TTBK2: variants seen among roughly 807,000 people sequenced by gnomAD.
TTBK2 encodes the protein tau-tubulin kinase 2.
In TTBK2, 28 loss-of-function variants were observed where a neutral mutation model predicts 110.8. That is an observed-to-expected ratio of 0.25 (90% CI 0.19 to 0.35). The LOEUF (loss-of-function observed/expected upper bound fraction) is 0.35. TTBK2 is among the 10% of genes least tolerant of loss of function. TTBK2 has a pLI of 1.00. For missense variants in TTBK2, 1,369 were observed against 1,500.3 expected, an observed-to-expected ratio of 0.91 and a Z score of 1.45; for synonymous variants, 532 against 527.3, an observed-to-expected ratio of 1.01 and a Z score of -0.12.
At position 42,894,313 on chromosome 15, in the gene TTBK2, T is replaced by G. The variant is rs1484823690; in HGVS notation, c.-67-15629A>C. Among the ~76,000 whole-genome samples, 3 of 152,312 alleles carry G rather than the reference T, an allele frequency of 2.0e-5. No homozygotes were observed. In the East Asian group the frequency reaches 5.8e-4, roughly 29 times the overall value. On this transcript the variant is annotated intron_variant, in intron 1 of 14. Coordinates refer to ENST00000267890, the MANE Select transcript of TTBK2 (RefSeq NM_173500.4). ...TATTAGCAGTGTGAGAATGGACTAATACAGGCCTAGATTTTTTTTCCAATG... is the reference window on the plus strand; with the variant it reads ...TATTAGCAGTGTGAGAATGGACTAAGACAGGCCTAGATTTTTTTTCCAATG...
In TTBK2 at chr15:42,810,682, G is replaced by A. The variant is rs371962528; in HGVS notation, c.754C>T (p.Pro252Ser). The change falls in exon 9 of 15, where the codon CCT becomes TCT. Residue 252 changes from proline (P) to serine (S), a missense_variant. Pro to Ser is a moderately conservative substitution (Grantham distance 74, BLOSUM62 -1). Transcript: ENST00000267890. ...TCTAGAAAGATGCTGAATTCTGGAG[G>A]GAGATGTTTCAACATGAGCCTGTGG... ...YDHRLMLKHL[P>S]PEFSIFLDHI... is the part of the protein sequence containing the mutation. 18 of 1,613,720 alleles carry A rather than the reference G, an allele frequency of 1.1e-5. No individual in the cohort carries two copies. Among genetic ancestry groups the A allele is most frequent in the African/African-American group, 4.0e-5 (3 of 74,864 alleles).
At chr15:42,780,214 G>C (rs62020673) in intron 11 of TTBK2, among the ~76,000 whole-genome samples, 5 of 122,836 alleles carry the variant, frequency 4.1e-5, no homozygotes, top group African/African-American at 1.7e-4. Context: ...TTTTTTTTTG[G>C]TAGAGATAGG....
intron 3 of TTBK2, among the ~76,000 whole-genome samples, chr15:42,859,985 A>AC (rs1894090921): frequency 6.6e-6 from 1 of 150,390 alleles, no homozygotes; most frequent in South Asian, 2.1e-4. Context: ...AGCTGAGGAG[A>AC]AAAAAAAAAG....
At chr15:42,898,143 G>C (rs1888583425) in intron 1 of TTBK2, among the ~76,000 whole-genome samples, 1 of 152,092 alleles carries the variant, frequency 6.6e-6, no homozygotes, top group South Asian at 2.1e-4. Flanking sequence ...CAAGTAAATG[G>C]GTAAGGGGAT....
rs1890860970 is a variant in TTBK2, at chr15:42,794,782, T to C, written c.842A>G (p.Asp281Gly). Reference sequence around the variant, plus strand: ...TACTCCAAAAGTCTTGATGCTATTGTCAAACACGGATGTAAGAAGCTAAAC... The same window carrying C: ...TACTCCAAAAGTCTTGATGCTATTGCCAAACACGGATGTAAGAAGCTAAAC... ...PDYQLLTSVF[D>G]NSIKTFGVIE... The change falls in exon 10 of 15, where the codon GAC becomes GGC. Residue 281 changes from aspartate (D) to glycine (G), a missense_variant. This residue lies in a region of TTBK2 where 138 missense variants were observed against 179.0 expected (regional missense o/e 0.77). Transcript: ENST00000267890. The C allele has an allele frequency of 6.2e-7, 1 of 1,613,920 alleles. No individual in the cohort carries two copies. The highest frequency in any genetic ancestry group is 1.7e-5 in the Admixed American group (1 of 59,998).
intron 10 of TTBK2, among the ~76,000 whole-genome samples, chr15:42,791,446 C>G (rs1595913612): frequency 6.6e-6 from 1 of 152,142 alleles, no homozygotes; most frequent in Non-Finnish European, 1.5e-5. Context: ...TTTGCATTAC[C>G]TTCTCTCTAA....
At chr15:42,899,523 G>T (rs528946306) in intron 1 of TTBK2, among the ~76,000 whole-genome samples, 1 of 151,910 alleles carries the variant, frequency 6.6e-6, no homozygotes, top group Admixed American at 6.6e-5. Context: ...GGCGGATCAC[G>T]AGGTCAGGAG....
Position 42,747,657 on chromosome 15 carries a change from C to T in TTBK2, c.3273-1400G>A, listed in dbSNP as rs140802995. ...GGAGCTCAGGCGGTAATGCCTCCTG[C>T]CGTGCAGCCCTGGGGTGGGGAGGGC... is the stretch of plus-strand genomic sequence containing the variant. On this transcript the variant is annotated intron_variant, in intron 14 of 14. Transcript: ENST00000267890. 4.7e-3 allele frequency among the ~76,000 whole-genome samples: 723 copies of T among 152,312 alleles called. 8 individuals are homozygous for T. The highest frequency in any genetic ancestry group is 0.017 in the African/African-American group (691 of 41,568).
intron 10 of TTBK2, among the ~76,000 whole-genome samples, chr15:42,787,122 C>T (rs1890445963): frequency 6.6e-6 from 1 of 152,070 alleles, no homozygotes; most frequent in Non-Finnish European, 1.5e-5. Flanking sequence ...ATCTGGCCTG[C>T]TTACCTATTT....
chr15:42,747,322 T>C (rs1566997260), intron 14 of TTBK2, among the ~76,000 whole-genome samples: 2 of 152,262 alleles, frequency 1.3e-5, no homozygotes, highest in South Asian at 4.1e-4. Flanking sequence ...GTCTTCTTTG[T>C]CCTAAATGTC....
intron 13 of TTBK2, among the ~76,000 whole-genome samples, chr15:42,755,107 A>G (rs946329107): frequency 9.2e-5 from 14 of 152,122 alleles, no homozygotes; most frequent in South Asian, 2.1e-4. Context: ...ATAAGATTCA[A>G]TATCTAATAA....
rs561020553 is a variant in TTBK2, at chr15:42,744,524, T to C, written c.*1271A>G. On this transcript the variant is annotated 3_prime_UTR_variant, in exon 15 of 15. Coordinates refer to ENST00000267890, the MANE Select transcript of TTBK2 (RefSeq NM_173500.4). The stretch of plus-strand genomic sequence containing the variant: ...AAAACAGCCCATTTTAAAAGTCTGG[T>C]AGACTTTCATTTGCCTGATTCCTAT... 2 of 152,304 alleles carry C rather than the reference T, an allele frequency of 1.3e-5. No individual in the cohort carries two copies. The highest frequency in any genetic ancestry group is 2.9e-5 in the Non-Finnish European group (2 of 68,014). The allele number at this position is 152,304 out of a possible 1,614,324, so 9.4% of individuals were successfully genotyped here.
At chr15:42,867,161 G>A (rs756276232) in intron 3 of TTBK2, among the ~76,000 whole-genome samples, 3 of 151,260 alleles carry the variant, frequency 2.0e-5, no homozygotes, top group Non-Finnish European at 2.9e-5. Flanking sequence ...AGAGAATGGC[G>A]TGAACCTGGG....
At chr15:42,873,997 ATTAT>A (rs1894712533) in intron 2 of TTBK2, among the ~76,000 whole-genome samples, 1 of 152,304 alleles carries the variant, frequency 6.6e-6, no homozygotes, top group East Asian at 1.9e-4. Context: ...TTCTACAGTA[ATTAT>A]TTATTTAATC....
At chr15:42,909,753 A>C (rs972032217) in intron 1 of TTBK2, among the ~76,000 whole-genome samples, 2 of 152,258 alleles carry the variant, frequency 1.3e-5, no homozygotes, top group Non-Finnish European at 2.9e-5. Context: ...TAAAGTCCAA[A>C]AATAAGCAAA....
chr15:42,795,436 G>T (rs938501322), intron 9 of TTBK2, among the ~76,000 whole-genome samples: 1 of 151,806 alleles, frequency 6.6e-6, no homozygotes, highest in African/African-American at 2.4e-5. Context: ...CTTAAGAAGG[G>T]TCTCATAAAA....
chr15:42,758,559 G>A (rs1296730812), intron 13 of TTBK2, among the ~76,000 whole-genome samples: 1 of 150,570 alleles, frequency 6.6e-6, no homozygotes, highest in Admixed American at 6.6e-5. Context: ...GGAGGCTGCC[G>A]CAGGAGAATC....
chr15:42,754,810 A>AC (rs1363054490), intron 13 of TTBK2, among the ~76,000 whole-genome samples: 1 of 143,568 alleles, frequency 7.0e-6, no homozygotes, highest in Non-Finnish European at 1.5e-5. Context: ...GGAGTTCGAG[A>AC]CCAGCCTGGC....
chr15:42,838,747 C>T (rs1042841073), intron 4 of TTBK2, among the ~76,000 whole-genome samples: 1 of 151,782 alleles, frequency 6.6e-6, no homozygotes, highest in Non-Finnish European at 1.5e-5. Flanking sequence ...ACCTGGGAGA[C>T]GGAGGTTTCA....
Sources: gnomAD v4.1 joint callset for allele counts (sites outside exome capture counted in the v4.1 genomes callset) on GRCh38, gnomAD v4.1.1 for gene constraint, gnomAD v4.1.1 regional missense constraint, MANE v1.5 for transcripts, NCBI Gene and HGNC (gene_info 2026-07-23, HGNC 2026-07-21) for gene names.